CTTNBP2: variants seen among roughly 807,000 people sequenced by gnomAD.
CTTNBP2 encodes the protein cortactin-binding protein 2.
CTTNBP2 carries 108 observed loss-of-function variants against 156.9 expected under a neutral mutation model. That is an observed-to-expected ratio of 0.69 (90% CI 0.59 to 0.81). CTTNBP2 has a LOEUF of 0.81. CTTNBP2 is among the 30% of genes least tolerant of loss of function. The probability of loss-of-function intolerance (pLI) is 0.00; values close to 1 mark genes in which losing one functional copy is unlikely to be tolerated. For missense variants in CTTNBP2, 1,924 were observed against 2,035.4 expected, an observed-to-expected ratio of 0.95 and a Z score of 1.05; for synonymous variants, 767 against 751.8, an observed-to-expected ratio of 1.02 and a Z score of -0.33.
chr7:117,833,461 C>T (rs1410668140), intron 2 of CTTNBP2, among the ~76,000 whole-genome samples: 1 of 152,224 alleles, frequency 6.6e-6, no homozygotes, highest in Non-Finnish European at 1.5e-5. Flanking sequence ...GTTCCAACTA[C>T]AGAACAATTT....
chr7:117,775,212 A>G (rs1465102479), intron 8 of CTTNBP2, among the ~76,000 whole-genome samples: 2 of 152,168 alleles, frequency 1.3e-5, no homozygotes, highest in African/African-American at 2.4e-5. Flanking sequence ...ATAGCCTAGC[A>G]GTGTGTGAAT....
chr7:117,754,291 C>T (rs1482478956), intron 12 of CTTNBP2, among the ~76,000 whole-genome samples: 1 of 152,192 alleles, frequency 6.6e-6, no homozygotes, highest in Non-Finnish European at 1.5e-5. Flanking sequence ...TTCTGCCTCC[C>T]CGTCCACCCA....
At chr7:117,756,435 C>G (rs762846578) in intron 12 of CTTNBP2, 120 bp downstream of exon 12, 214 of 742,758 alleles carry the variant, frequency 2.9e-4, no homozygotes, top group Middle Eastern at 6.5e-4. Context: ...GGGAAGGTAA[C>G]GGTGTCAGAG....
At chr7:117,724,025 T>C (rs545731687) in intron 19 of CTTNBP2, among the ~76,000 whole-genome samples, 1 of 152,206 alleles carries the variant, frequency 6.6e-6, no homozygotes, top group South Asian at 2.1e-4. Flanking sequence ...CCACCATGCC[T>C]GGCCGGAATA....
chr7:117,846,211 AAT>A (rs1802578751), intron 2 of CTTNBP2, among the ~76,000 whole-genome samples: 1 of 152,192 alleles, frequency 6.6e-6, no homozygotes, highest in South Asian at 2.1e-4. Context: ...CTGATGACAG[AAT>A]ATAGAAGAAT....
intron 2 of CTTNBP2, among the ~76,000 whole-genome samples, chr7:117,817,361 A>ATAAATAAATATATATATATATATATAT (rs1298639361): frequency 1.1e-4 from 6 of 53,310 alleles, no homozygotes; most frequent in South Asian, 6.3e-4. Flanking sequence ...AAAAAAAAAA[A>ATAAATAAATATATATATATATATATAT]ATATATATAT....
chr7:117,798,659 A>G (rs1799452138), intron 3 of CTTNBP2, among the ~76,000 whole-genome samples: 1 of 152,110 alleles, frequency 6.6e-6, no homozygotes, highest in Admixed American at 6.5e-5. Flanking sequence ...CAATCATCCT[A>G]GTTTCACCTT....
chr7:117,800,487 G>A (rs1799551162), intron 3 of CTTNBP2, among the ~76,000 whole-genome samples: 1 of 152,072 alleles, frequency 6.6e-6, no homozygotes, highest in African/African-American at 2.4e-5. Context: ...CTTAAGATAT[G>A]TGAATTGTAC....
intron 1 of CTTNBP2, among the ~76,000 whole-genome samples, chr7:117,870,316 A>T (rs1260631169): frequency 6.6e-6 from 1 of 152,244 alleles, no homozygotes; most frequent in Admixed American, 6.5e-5. Flanking sequence ...CAACACTTTC[A>T]ACATTCTATA....
At chr7:117,733,323 G>A (rs977399546) in intron 16 of CTTNBP2, among the ~76,000 whole-genome samples, 5 of 151,922 alleles carry the variant, frequency 3.3e-5, no homozygotes, top group Admixed American at 1.3e-4. Context: ...ACTCTCAAAC[G>A]CAATGGAAAA....
intron 22 of CTTNBP2, 40 bp from the exon 23 acceptor site, chr7:117,711,822 TCTC>T: frequency 2.5e-6 from 4 of 1,581,750 alleles, no homozygotes; most frequent in Non-Finnish European, 3.4e-6. Flanking sequence ...ATCACAAACT[TCTC>T]CTGTTATGAG....
At chr7:117,748,264 C>G (rs34337653) in intron 12 of CTTNBP2, among the ~76,000 whole-genome samples, 6,568 of 152,206 alleles carry the variant, frequency 0.043, 452 homozygotes, top group African/African-American at 0.15. Flanking sequence ...ACAGATTGTA[C>G]TTTTCATTAA....
chr7:117,842,208 T>C (rs956163638), intron 2 of CTTNBP2, among the ~76,000 whole-genome samples: 1 of 152,154 alleles, frequency 6.6e-6, no homozygotes, highest in Non-Finnish European at 1.5e-5. Context: ...TCCGAAAAAG[T>C]CTTTTTTTTA....
At chr7:117,717,990 T>C in intron 22 of CTTNBP2, 28 bp downstream of exon 22, 2 of 1,340,980 alleles carry the variant, frequency 1.5e-6, no homozygotes, top group East Asian at 2.3e-5. Context: ...TCATCCTTTG[T>C]TCACTTTGGG....
chr7:117,734,827 T>TA, intron 16 of CTTNBP2, 86 bp downstream of exon 16: 1 of 1,044,860 alleles, frequency 9.6e-7, no homozygotes, highest in Non-Finnish European at 1.4e-6. Flanking sequence ...GCTGCATAGT[T>TA]AGTGAGTGGT....
intron 20 of CTTNBP2, among the ~76,000 whole-genome samples, chr7:117,720,327 T>G (rs1399729322): frequency 2.0e-5 from 3 of 152,198 alleles, no homozygotes; most frequent in Non-Finnish European, 2.9e-5. Flanking sequence ...ATTTCTATAA[T>G]TGTCCAAATC....
chr7:117,754,358 C>T (rs1269036667), intron 12 of CTTNBP2, among the ~76,000 whole-genome samples: 1 of 152,234 alleles, frequency 6.6e-6, no homozygotes, highest in Non-Finnish European at 1.5e-5. Context: ...TGCTGGTCAT[C>T]ACATTACATG....
At chr7:117,778,975 A>G (rs960104733) in intron 7 of CTTNBP2, among the ~76,000 whole-genome samples, 8 of 152,226 alleles carry the variant, frequency 5.3e-5, no homozygotes, top group African/African-American at 7.2e-5. Context: ...CGAACAATCT[A>G]AATTTGGGCT....
chr7:117,780,273 T>C (rs1285961134), intron 7 of CTTNBP2, among the ~76,000 whole-genome samples, 168 bp downstream of exon 7: 1 of 152,234 alleles, frequency 6.6e-6, no homozygotes, highest in Non-Finnish European at 1.5e-5. Flanking sequence ...ACAAGACATT[T>C]AATTAACGGG....
Sources: allele counts gnomAD v4.1 joint callset (sites outside exome capture counted in the v4.1 genomes callset), GRCh38; gene constraint gnomAD v4.1.1; transcripts MANE v1.5; gene names NCBI Gene and HGNC (gene_info 2026-07-23, HGNC 2026-07-21).